The following CCDC180 variants were observed in gnomAD, a reference collection of about 807,000 sequenced individuals.
CCDC180 encodes the protein coiled-coil domain containing 180, also known as coiled-coil domain-containing protein 180.
CCDC180 carries 154 observed loss-of-function variants against 209.2 expected under a neutral mutation model. The observed-to-expected ratio is 0.74, with a 90% CI of 0.65 to 0.84. CCDC180 has a LOEUF of 0.84. Ranked by LOEUF, CCDC180 falls within the 40% of genes least tolerant of loss-of-function variation. The pLI is 0.00. For synonymous variants in CCDC180, 778 were observed against 749.1 expected, an observed-to-expected ratio of 1.04 and a Z score of -0.63; for missense variants, 1,874 against 1,997.3, an observed-to-expected ratio of 0.94 and a Z score of 1.18.
intron 2 of CCDC180, among the ~76,000 whole-genome samples, chr9:97,308,863 A>G (rs1265648409): frequency 6.6e-6 from 1 of 152,200 alleles, no homozygotes; most frequent in African/African-American, 2.4e-5. Flanking sequence ...GCCATTCTTA[A>G]CTCATGGCAT....
intron 33 of CCDC180, 163 bp from the exon 34 acceptor site, chr9:97,371,432 G>A: frequency 2.1e-6 from 1 of 478,464 alleles, no homozygotes; most frequent in Non-Finnish European, 3.8e-6. Flanking sequence ...CACATCTTGG[G>A]AGAGGCCTCC....
chr9:97,318,909 G>A (rs1351544303), intron 10 of CCDC180, among the ~76,000 whole-genome samples: 3 of 152,236 alleles, frequency 2.0e-5, no homozygotes, highest in Non-Finnish European at 2.9e-5. Flanking sequence ...AGGGCACTGG[G>A]GAGCAGAGTG....
chr9:97,332,411 C>T (rs1242373530), intron 18 of CCDC180, among the ~76,000 whole-genome samples: 2 of 152,058 alleles, frequency 1.3e-5, no homozygotes, highest in Admixed American at 6.5e-5. Flanking sequence ...TGAAGAATGT[C>T]ATTAGTAGTT....
chr9:97,321,600 C>T (rs141536873), intron 11 of CCDC180, among the ~76,000 whole-genome samples: 17 of 152,276 alleles, frequency 1.1e-4, no homozygotes, highest in African/African-American at 4.1e-4. Flanking sequence ...GCAATGGCTG[C>T]CATTCATTCA....
chr9:97,359,976 C>T lies in CCDC180; in HGVS notation c.3364-6C>T, dbSNP rs1322132808. Reference sequence around the variant, plus strand: ...TTGGGGCTTTCTTCCTCCCTTTTCTCACCAGACAGTGACCACAGAAGAACT... The same window carrying T: ...TTGGGGCTTTCTTCCTCCCTTTTCTTACCAGACAGTGACCACAGAAGAACT... On this transcript the variant is annotated splice_region_variant and splice_polypyrimidine_tract_variant and intron_variant, in intron 25 of 36. Transcript: ENST00000529487. The T allele has an allele frequency of 2.5e-6, 4 of 1,613,474 alleles. No homozygotes were observed. Among genetic ancestry groups the T allele is most frequent in the Non-Finnish European group, 3.4e-6 (4 of 1,179,718 alleles).
chr9:97,369,413 CTTTAT>C (rs67349968), intron 31 of CCDC180: 6,108 of 122,940 alleles, frequency 0.05, 166 homozygotes, highest in East Asian at 0.11. Flanking sequence ...TTATTTAAGC[CTTTAT>C]TTTATGTTAT....
At chr9:97,369,738 G>A (rs533490812) in intron 31 of CCDC180, 184 bp from the exon 32 acceptor site, 3 of 587,068 alleles carry the variant, frequency 5.1e-6, no homozygotes, top group East Asian at 3.1e-5. Context: ...ACTGCAGCTG[G>A]CTAACCCTGT....
chr9:97,363,875 G>A, intron 28 of CCDC180, 176 bp from the exon 29 acceptor site: 1 of 618,546 alleles, frequency 1.6e-6, no homozygotes, highest in East Asian at 2.8e-5. Flanking sequence ...CGGTAAGGTA[G>A]ACTCACAGCT....
At chr9:97,329,868 A>G (rs1825675795) in intron 16 of CCDC180, among the ~76,000 whole-genome samples, 1 of 152,088 alleles carries the variant, frequency 6.6e-6, no homozygotes, top group Non-Finnish European at 1.5e-5. Context: ...GGAGATGGAG[A>G]CCATCCTGGT....
At chr9:97,365,848 C>A in intron 30 of CCDC180, 109 bp downstream of exon 30, 1 of 894,462 alleles carries the variant, frequency 1.1e-6, no homozygotes, top group Non-Finnish European at 1.8e-6. Flanking sequence ...GGATTCCACC[C>A]CCGCCATGAC....
At chr9:97,325,677 C>G (rs907431395) in intron 14 of CCDC180, among the ~76,000 whole-genome samples, 2 of 152,174 alleles carry the variant, frequency 1.3e-5, no homozygotes, top group African/African-American at 4.8e-5. Context: ...TGCGGTTTCT[C>G]AGGAGAAACT....
chr9:97,366,530 C>T lies in CCDC180; in HGVS notation c.4048-29C>T. 1 of 1,610,316 alleles carries T rather than the reference C, an allele frequency of 6.2e-7. No homozygotes were observed. ...AAGGGCCAGAGTCCCATGGAGTCCTCACCCGCACATGGTCACCCTCTCTGG... is the reference window on the plus strand; with the variant it reads ...AAGGGCCAGAGTCCCATGGAGTCCTTACCCGCACATGGTCACCCTCTCTGG... On this transcript the variant is annotated intron_variant, in intron 30 of 36. Coordinates refer to ENST00000529487, the MANE Select transcript of CCDC180 (RefSeq NM_020893.6). This position sits in a 1 kb window ranked among gnomAD's most constrained non-coding sequence, Gnocchi z 4.3.
intron 22 of CCDC180, 74 bp from the exon 23 acceptor site, chr9:97,354,495 A>C: frequency 6.8e-7 from 1 of 1,472,498 alleles, no homozygotes; most frequent in Non-Finnish European, 9.4e-7. Flanking sequence ...AGTGTGTGTC[A>C]GCCACAGTAT....
intron 18 of CCDC180, among the ~76,000 whole-genome samples, chr9:97,337,077 G>T (rs1024079689): frequency 1.4e-4 from 22 of 152,192 alleles, no homozygotes; most frequent in African/African-American, 4.6e-4. Context: ...AGACAATGGG[G>T]TTTTCTAAAT....
In CCDC180 at chr9:97,325,181, C is replaced by T; in HGVS notation, c.1534C>T (p.Leu512=). The T allele has an allele frequency of 6.3e-7, 1 of 1,597,270 alleles. No individual in the cohort carries two copies. ...GGAGCAGCACCGGCAGAAGCACAGC[C>T]TGGAGAGCCAGGTGAGACCCACACC... ...RMEQHRQKHS[L]ESQVQEAHLD... Residue 512 remains leucine, a synonymous_variant, in exon 14 of 37, where the codon CTG becomes TTG. Transcript: ENST00000529487.
chr9:97,316,298 T>A (rs914549155), intron 8 of CCDC180, among the ~76,000 whole-genome samples: 1 of 152,246 alleles, frequency 6.6e-6, no homozygotes, highest in African/African-American at 2.4e-5. Context: ...TGTGGATCTG[T>A]AGGTTGAGGA....
At chr9:97,364,301 T>A in intron 29 of CCDC180, 173 bp downstream of exon 29, 1 of 558,762 alleles carries the variant, frequency 1.8e-6, no homozygotes. Context: ...CCATTTCACC[T>A]AAATTTGTTG....
rs1225161233 is a variant in CCDC180, at chr9:97,325,565, C to A, written c.1545+373C>A. On this transcript the variant is annotated intron_variant, in intron 14 of 36. Transcript: ENST00000529487. Reference sequence around the variant, plus strand: ...CAGGGAGTAGACAAGGTACTTTAGGCACATTGTGAGCTGCAAAGCTATTAA... The same window carrying A: ...CAGGGAGTAGACAAGGTACTTTAGGAACATTGTGAGCTGCAAAGCTATTAA... Among the ~76,000 whole-genome samples, 4 of 152,202 alleles carry A rather than the reference C, an allele frequency of 2.6e-5. No homozygotes were observed. The East Asian group carries it at 7.7e-4, about 29-fold the overall frequency.
intron 8 of CCDC180, among the ~76,000 whole-genome samples, chr9:97,315,307 C>T (rs891062625): frequency 1.3e-5 from 2 of 152,048 alleles, no homozygotes; most frequent in African/African-American, 2.4e-5. Context: ...ATGGAGTCAT[C>T]GGGGGGCTAC....
Sources: gnomAD v4.1 joint callset for allele counts (sites outside exome capture counted in the v4.1 genomes callset) on GRCh38, gnomAD v4.1.1 for gene constraint, Gnocchi (gnomAD v3.1) non-coding constraint, MANE v1.5 for transcripts, NCBI Gene and HGNC (gene_info 2026-07-23, HGNC 2026-07-21) for gene names.